RORA: variants seen among roughly 807,000 people sequenced by gnomAD.
RORA encodes RAR related orphan receptor A.
In RORA, 7 loss-of-function variants were observed where a neutral mutation model predicts 69.5. The ratio of observed to expected loss-of-function variants is 0.10; its 90% CI spans 0.06 to 0.19. The LOEUF is 0.19. Among genes scored for constraint, RORA ranks in the 10% least tolerant of loss-of-function variants. The pLI, the probability that RORA is intolerant of heterozygous loss-of-function variation, is 1.00. For missense variants in RORA, 457 were observed against 663.0 expected, an observed-to-expected ratio of 0.69 and a Z score of 3.41; for synonymous variants, 261 against 240.8, an observed-to-expected ratio of 1.08 and a Z score of -0.78.
At chr15:61,056,859 GT>G (rs2140523476) in intron 1 of RORA, among the ~76,000 whole-genome samples, 1 of 152,294 alleles carries the variant, frequency 6.6e-6, no homozygotes, top group Non-Finnish European at 1.5e-5. Flanking sequence ...ACCTGATGTG[GT>G]TTTCCAAAGG....
intron 2 of RORA, among the ~76,000 whole-genome samples, chr15:60,645,942 A>T (rs2070036402): frequency 6.6e-6 from 1 of 152,212 alleles, no homozygotes; most frequent in South Asian, 2.1e-4. Flanking sequence ...AACTGAAACA[A>T]ATCAGTAAAA....
intron 1 of RORA, among the ~76,000 whole-genome samples, chr15:61,171,194 G>A (rs2079581920): frequency 6.6e-6 from 1 of 152,118 alleles, no homozygotes; most frequent in Non-Finnish European, 1.5e-5. Flanking sequence ...TGGCTTTCAG[G>A]GCAGAAATCA....
At chr15:60,563,157 T>C (rs2067625244) in intron 2 of RORA, among the ~76,000 whole-genome samples, 2 of 152,274 alleles carry the variant, frequency 1.3e-5, no homozygotes, top group South Asian at 4.1e-4. Context: ...CTAAGGTGAA[T>C]ATTTAAATAT....
intron 1 of RORA, chr15:60,849,148 T>A (rs1348855872): frequency 6.6e-6 from 1 of 152,244 alleles, no homozygotes; most frequent in Non-Finnish European, 1.5e-5. Flanking sequence ...AATTTCTTTG[T>A]GGATTTGTTT....
intron 2 of RORA, among the ~76,000 whole-genome samples, chr15:60,636,156 C>T (rs2069836249): frequency 6.6e-6 from 1 of 152,114 alleles, no homozygotes; most frequent in African/African-American, 2.4e-5. Context: ...AGAAGCTCAC[C>T]CATGTCCCAC....
intron 1 of RORA, among the ~76,000 whole-genome samples, chr15:60,813,009 T>A (rs2072764924): frequency 6.6e-6 from 1 of 152,356 alleles, no homozygotes; most frequent in African/African-American, 2.4e-5. Context: ...TCTCAGTAGC[T>A]TACAGAAAAA....
chr15:60,707,500 T>A (rs912266090), intron 1 of RORA, among the ~76,000 whole-genome samples: 7 of 151,594 alleles, frequency 4.6e-5, no homozygotes, highest in African/African-American at 1.5e-4. Context: ...AGTAGCTGGG[T>A]CTACAGGTGC....
intron 1 of RORA, among the ~76,000 whole-genome samples, chr15:61,106,767 A>C (rs1017869621): frequency 6.6e-6 from 1 of 152,204 alleles, no homozygotes; most frequent in Non-Finnish European, 1.5e-5. Flanking sequence ...TCTATTTATA[A>C]ACCCTGGGAG....
chr15:61,076,511 T>G (rs1368488010), intron 1 of RORA, among the ~76,000 whole-genome samples: 1 of 152,208 alleles, frequency 6.6e-6, no homozygotes, highest in Non-Finnish European at 1.5e-5. Flanking sequence ...AAAGATAGAC[T>G]TAATTCATGT....
chr15:60,861,188 G>A (rs887492754), intron 1 of RORA, among the ~76,000 whole-genome samples: 1 of 152,192 alleles, frequency 6.6e-6, no homozygotes, highest in Non-Finnish European at 1.5e-5. Context: ...AATCACACAT[G>A]TAGGTCCCAA....
intron 1 of RORA, among the ~76,000 whole-genome samples, chr15:60,870,426 C>T (rs549101591): frequency 5.3e-5 from 8 of 152,220 alleles, no homozygotes; most frequent in South Asian, 2.1e-4. Flanking sequence ...CCAGGTTGTA[C>T]GGAAGAAGCA....
At chr15:60,740,711 T>C (rs536567632) in intron 1 of RORA, among the ~76,000 whole-genome samples, 10 of 152,314 alleles carry the variant, frequency 6.6e-5, no homozygotes, top group Non-Finnish European at 1.3e-4. Context: ...TTAGGTTAAC[T>C]TTTAAAAAAA....
intron 1 of RORA, among the ~76,000 whole-genome samples, chr15:60,984,899 G>A (rs1202650768): frequency 1.3e-5 from 2 of 151,658 alleles, no homozygotes; most frequent in Non-Finnish European, 2.9e-5. Flanking sequence ...GGGAGGGAGA[G>A]GGGAGGAACT....
intron 2 of RORA, among the ~76,000 whole-genome samples, chr15:60,657,722 G>GA (rs893231706): frequency 1.3e-4 from 19 of 151,994 alleles, no homozygotes; most frequent in East Asian, 1.9e-4. Flanking sequence ...CATACTTCAA[G>GA]AAAAAAAGGA....
At chr15:60,700,947 T>G (rs1292458547) in intron 1 of RORA, among the ~76,000 whole-genome samples, 2 of 152,144 alleles carry the variant, frequency 1.3e-5, no homozygotes, top group Non-Finnish European at 2.9e-5. Flanking sequence ...AAGGGATGGG[T>G]GGGGACATGT....
chr15:60,628,953 C>G (rs1330913129), intron 2 of RORA, among the ~76,000 whole-genome samples: 3 of 152,180 alleles, frequency 2.0e-5, no homozygotes, highest in Non-Finnish European at 4.4e-5. Context: ...TTCTCAAGCA[C>G]AAGGAGCTTT....
intron 1 of RORA, among the ~76,000 whole-genome samples, chr15:60,911,703 A>ATTG (rs1891723429): frequency 7.0e-6 from 1 of 142,926 alleles, no homozygotes; most frequent in Non-Finnish European, 1.5e-5. Context: ...CGGATTTTTG[A>ATTG]TTTTTTTTTT....
At chr15:60,798,821 T>C (rs1364101802) in intron 1 of RORA, among the ~76,000 whole-genome samples, 1 of 152,158 alleles carries the variant, frequency 6.6e-6, no homozygotes, top group African/African-American at 2.4e-5. Flanking sequence ...AAAGGAATGA[T>C]ATATCCCCAC....
intron 1 of RORA, among the ~76,000 whole-genome samples, chr15:60,828,736 A>G (rs1467066354): frequency 6.6e-6 from 1 of 152,004 alleles, no homozygotes; most frequent in Non-Finnish European, 1.5e-5. Context: ...TCTAAGGACC[A>G]CCTCTTTACA....
Sources: allele counts gnomAD v4.1 joint callset (sites outside exome capture counted in the v4.1 genomes callset), GRCh38; gene constraint gnomAD v4.1.1; transcripts MANE v1.5; gene names NCBI Gene and HGNC (gene_info 2026-07-23, HGNC 2026-07-21).